AUTS2: variants seen among roughly 807,000 people sequenced by gnomAD.
AUTS2 encodes the protein autism susceptibility gene 2 protein.
AUTS2 carries 17 observed loss-of-function variants against 112.4 expected under a neutral mutation model. That is an observed-to-expected ratio of 0.15 (90% confidence interval 0.10 to 0.23). AUTS2 has a LOEUF of 0.23. Among genes scored for constraint, AUTS2 ranks in the 10% least tolerant of loss-of-function variants. The pLI, the probability that AUTS2 is intolerant of heterozygous loss-of-function variation, is 1.00. For missense variants in AUTS2, 1,510 were observed against 1,701.6 expected (o/e 0.89, Z 1.98); for synonymous variants, 751 against 702.7 (o/e 1.07, Z -1.09).
At chr7:69,773,188 T>A (rs913612970) in intron 1 of AUTS2, among the ~76,000 whole-genome samples, 2 of 152,094 alleles carry the variant, frequency 1.3e-5, no homozygotes, top group Non-Finnish European at 2.9e-5. Flanking sequence ...ACATGGAAAA[T>A]GTCCATGAAA....
intron 6 of AUTS2, among the ~76,000 whole-genome samples, chr7:70,727,087 C>T (rs991443880): frequency 3.3e-5 from 5 of 152,092 alleles, no homozygotes; most frequent in African/African-American, 9.7e-5. Flanking sequence ...GTATTAACAT[C>T]GGTAATGTAA....
chr7:69,965,968 G>A (rs1797621620), intron 2 of AUTS2, among the ~76,000 whole-genome samples: 1 of 152,112 alleles, frequency 6.6e-6, no homozygotes, highest in African/African-American at 2.4e-5. Context: ...ATTATTACAG[G>A]GAAGTTTATA....
chr7:69,862,007 A>G (rs1414923226), intron 1 of AUTS2, among the ~76,000 whole-genome samples: 1 of 152,176 alleles, frequency 6.6e-6, no homozygotes, highest in Non-Finnish European at 1.5e-5. Context: ...TTAACATTGA[A>G]CATTCTTTTT....
chr7:69,934,426 G>A (rs1796333582), intron 2 of AUTS2, among the ~76,000 whole-genome samples: 1 of 152,178 alleles, frequency 6.6e-6, no homozygotes, highest in Non-Finnish European at 1.5e-5. Context: ...ACAGTGAAGT[G>A]TATTGGTTTT....
chr7:69,861,052 G>A (rs1346014054), intron 1 of AUTS2, among the ~76,000 whole-genome samples: 4 of 152,006 alleles, frequency 2.6e-5, no homozygotes, highest in Admixed American at 1.3e-4. Flanking sequence ...AGGCAATGCA[G>A]CTTCCTTAAA....
intron 5 of AUTS2, among the ~76,000 whole-genome samples, chr7:70,455,978 C>T (rs1184541573): frequency 1.3e-5 from 2 of 152,176 alleles, no homozygotes; most frequent in Non-Finnish European, 2.9e-5. Flanking sequence ...CTTTGTCAGT[C>T]ACCTACCGGC....
At chr7:70,267,402 A>G (rs1464621896) in intron 4 of AUTS2, among the ~76,000 whole-genome samples, 1 of 152,100 alleles carries the variant, frequency 6.6e-6, no homozygotes, top group Non-Finnish European at 1.5e-5. Flanking sequence ...CTGCATGGAC[A>G]TTAGTCCCAG....
At chr7:70,044,771 T>C (rs529002666) in intron 2 of AUTS2, among the ~76,000 whole-genome samples, 5 of 152,242 alleles carry the variant, frequency 3.3e-5, no homozygotes, top group Admixed American at 2.6e-4. Context: ...ACTGGAAATT[T>C]TGGGTGATTT....
At chr7:70,158,130 T>G (rs1214702193) in intron 4 of AUTS2, among the ~76,000 whole-genome samples, 1 of 152,122 alleles carries the variant, frequency 6.6e-6, no homozygotes, top group African/African-American at 2.4e-5. Context: ...GGAGATGTTG[T>G]TGGAATGCTT....
chr7:70,788,352 C>T (rs1791654344), intron 18 of AUTS2, among the ~76,000 whole-genome samples: 2 of 152,150 alleles, frequency 1.3e-5, no homozygotes, highest in South Asian at 4.1e-4. Flanking sequence ...ACTTTGCAGG[C>T]TCTAAATGGG....
chr7:70,651,147 AAGCTATT>A (rs1232558624), intron 5 of AUTS2, among the ~76,000 whole-genome samples: 2 of 152,216 alleles, frequency 1.3e-5, no homozygotes, highest in Non-Finnish European at 2.9e-5. Flanking sequence ...ATCCTCACAA[AAGCTATT>A]ATGAGATGGG....
chr7:70,472,385 C>T (rs75063813), intron 5 of AUTS2, among the ~76,000 whole-genome samples: 2 of 147,784 alleles, frequency 1.4e-5, no homozygotes, highest in Non-Finnish European at 3.0e-5. Flanking sequence ...TTTTTTTTCC[C>T]AGTACCGTAA....
intron 5 of AUTS2, among the ~76,000 whole-genome samples, chr7:70,658,335 C>A (rs1431306928): frequency 1.3e-5 from 2 of 152,198 alleles, no homozygotes; most frequent in East Asian, 1.9e-4. Flanking sequence ...CCACTCCCCC[C>A]CAACACCACA....
intron 4 of AUTS2, among the ~76,000 whole-genome samples, chr7:70,350,552 T>C (rs1791701519): frequency 6.6e-6 from 1 of 152,098 alleles, no homozygotes; most frequent in South Asian, 2.1e-4. Flanking sequence ...CTGAGACTTA[T>C]TCACTATCAC....
At chr7:70,181,928 G>C (rs1222582701) in intron 4 of AUTS2, among the ~76,000 whole-genome samples, 5 of 151,420 alleles carry the variant, frequency 3.3e-5, no homozygotes, top group African/African-American at 1.2e-4. Context: ...CTCCCGAGTA[G>C]CTGGGATTAC....
At chr7:69,783,441 A>T (rs1011072586) in intron 1 of AUTS2, among the ~76,000 whole-genome samples, 1 of 152,026 alleles carries the variant, frequency 6.6e-6, no homozygotes, top group Non-Finnish European at 1.5e-5. Flanking sequence ...CAGCTGGCAG[A>T]TTTCCCACTG....
At chr7:70,085,664 G>A (rs986652923) in intron 2 of AUTS2, among the ~76,000 whole-genome samples, 1 of 152,194 alleles carries the variant, frequency 6.6e-6, no homozygotes, top group Non-Finnish European at 1.5e-5. Flanking sequence ...AACATGCCTA[G>A]CCTATTTTTA....
chr7:69,973,801 A>G (rs1797951198), intron 2 of AUTS2, among the ~76,000 whole-genome samples: 1 of 152,128 alleles, frequency 6.6e-6, no homozygotes, highest in Non-Finnish European at 1.5e-5. Flanking sequence ...GTCAATGTGT[A>G]TAATTCTTTG....
At chr7:70,478,614 A>G (rs1238096445) in intron 5 of AUTS2, among the ~76,000 whole-genome samples, 1 of 152,132 alleles carries the variant, frequency 6.6e-6, no homozygotes, top group Non-Finnish European at 1.5e-5. Context: ...TGATGGCACC[A>G]CCAACGTCAT....
Sources: gnomAD v4.1 joint callset for allele counts (sites outside exome capture counted in the v4.1 genomes callset) on GRCh38, gnomAD v4.1.1 for gene constraint, MANE v1.5 for transcripts, NCBI Gene and HGNC (gene_info 2026-07-23, HGNC 2026-07-21) for gene names.